Variants in MNAT1 observed in about 807,000 individuals in gnomAD.
MNAT1 encodes MNAT1 component of CDK activating kinase.
In MNAT1, 43 loss-of-function variants were observed where a neutral mutation model predicts 42.0. The observed-to-expected ratio is 1.02, with a 90% CI of 0.80 to 1.32. MNAT1 has a LOEUF of 1.32. Ranked by LOEUF, MNAT1 falls within the 40% of genes most tolerant of loss-of-function variation. The pLI is 0.00. For synonymous variants in MNAT1, 118 were observed against 120.0 expected, an observed-to-expected ratio of 0.98 and a Z score of 0.11; for missense variants, 306 against 350.4, an observed-to-expected ratio of 0.87 and a Z score of 1.01.
At chr14:60,903,386 G>C (rs918465557) in intron 7 of MNAT1, among the ~76,000 whole-genome samples, 4 of 152,094 alleles carry the variant, frequency 2.6e-5, no homozygotes, top group Non-Finnish European at 4.4e-5. Flanking sequence ...AAAACTTCAA[G>C]TTCAGGAAAT....
At chr14:60,853,640 G>T (rs978553956) in intron 6 of MNAT1, among the ~76,000 whole-genome samples, 8 of 152,156 alleles carry the variant, frequency 5.3e-5, no homozygotes, top group Non-Finnish European at 7.4e-5. Flanking sequence ...CAAAGGGAAT[G>T]CTTCCAGCTT....
chr14:60,820,874 A>G (rs1183623025), intron 6 of MNAT1, among the ~76,000 whole-genome samples: 1 of 152,222 alleles, frequency 6.6e-6, no homozygotes, highest in Non-Finnish European at 1.5e-5. Flanking sequence ...AATAAAATTC[A>G]GAATATTATC....
chr14:60,889,734 T>A (rs939921200), intron 7 of MNAT1, among the ~76,000 whole-genome samples: 3 of 152,002 alleles, frequency 2.0e-5, no homozygotes, highest in East Asian at 1.9e-4. Flanking sequence ...GAATCTACAA[T>A]GAACTCAAAC....
At position 60,866,068 on chromosome 14, in the gene MNAT1, T is replaced by G. The variant is rs145135215; in HGVS notation, c.688-13646T>G. Among the ~76,000 whole-genome samples, 42 of 152,242 alleles carry G rather than the reference T, an allele frequency of 2.8e-4. 2 individuals carry two copies. In the East Asian group the frequency reaches 8.1e-3, roughly 29 times the overall value. On this transcript the variant is annotated intron_variant, in intron 6 of 7. Coordinates refer to ENST00000261245, the MANE Select transcript of MNAT1 (RefSeq NM_002431.4). ...ATATCGTACATGCATTTAATTTGCT[T>G]GAATTCAACTAAAGTTGAAAACAAC...
At chr14:60,901,513 C>T (rs1276974098) in intron 7 of MNAT1, among the ~76,000 whole-genome samples, 2 of 152,190 alleles carry the variant, frequency 1.3e-5, no homozygotes, top group Non-Finnish European at 2.9e-5. Flanking sequence ...AGTGATTCCT[C>T]TGATGGATCT....
At chr14:60,881,299 C>G (rs2034546606) in intron 7 of MNAT1, among the ~76,000 whole-genome samples, 1 of 152,090 alleles carries the variant, frequency 6.6e-6, no homozygotes, top group Non-Finnish European at 1.5e-5. Flanking sequence ...ATTCTCATGC[C>G]TCAGCCTCCC....
chr14:60,936,877 T>G (rs1244195074), intron 7 of MNAT1, among the ~76,000 whole-genome samples: 1 of 152,160 alleles, frequency 6.6e-6, no homozygotes, highest in African/African-American at 2.4e-5. Flanking sequence ...CCACATCCTC[T>G]CCAGCACCTG....
intron 5 of MNAT1, among the ~76,000 whole-genome samples, chr14:60,816,760 A>G (rs931349130): frequency 1.3e-5 from 2 of 152,076 alleles, no homozygotes; most frequent in African/African-American, 2.4e-5. Context: ...TGGAACTCCT[A>G]CTTAATTCTA....
Position 60,937,947 on chromosome 14 carries a change from T to C in MNAT1, c.810-30282T>C, listed in dbSNP as rs1594891906. On this transcript the variant is annotated intron_variant, in intron 7 of 7. Transcript: ENST00000261245. The stretch of plus-strand genomic sequence containing the variant: ...GTTCTCCTTGAAGAGGTCCTTCACA[T>C]CCCTTGTAGGTTGGATTCCTAGGTA... Among the ~76,000 whole-genome samples, 9 of 152,340 alleles carry C rather than the reference T, an allele frequency of 5.9e-5. No individual in the cohort carries two copies. In the South Asian group the frequency reaches 1.9e-3, roughly 32 times the overall value.
At chr14:60,916,676 G>T (rs1352260857) in intron 7 of MNAT1, among the ~76,000 whole-genome samples, 4 of 152,110 alleles carry the variant, frequency 2.6e-5, no homozygotes, top group Admixed American at 1.3e-4. Flanking sequence ...AAAAGGCCAG[G>T]TGCAGTGGCT....
intron 7 of MNAT1, among the ~76,000 whole-genome samples, chr14:60,966,196 C>T (rs1238090343): frequency 2.0e-5 from 3 of 151,008 alleles, no homozygotes; most frequent in East Asian, 3.9e-4. Flanking sequence ...GTGCGATCTC[C>T]GCTCACTGCA....
At chr14:60,835,465 CT>C (rs1199988367) in intron 6 of MNAT1, among the ~76,000 whole-genome samples, 1 of 152,116 alleles carries the variant, frequency 6.6e-6, no homozygotes, top group Non-Finnish European at 1.5e-5. Context: ...GCATTTGCTT[CT>C]CTGTAAAGGA....
chr14:60,779,923 C>T (rs981225774), intron 1 of MNAT1: 10 of 1,131,728 alleles, frequency 8.8e-6, no homozygotes, highest in Non-Finnish European at 1.3e-5. Context: ...TGGTTGCTGT[C>T]CGTGTAGTGA....
intron 7 of MNAT1, among the ~76,000 whole-genome samples, chr14:60,933,057 T>C (rs977480658): frequency 3.3e-5 from 5 of 152,076 alleles, no homozygotes; most frequent in Admixed American, 1.3e-4. Context: ...ATTCTGTGTC[T>C]TTGTTTCCTC....
chr14:60,866,427 T>G (rs1021638485), intron 6 of MNAT1, among the ~76,000 whole-genome samples: 2 of 151,954 alleles, frequency 1.3e-5, no homozygotes, highest in Non-Finnish European at 2.9e-5. Context: ...GGTAACACTT[T>G]GATCTTTCTC....
At chr14:60,909,816 T>C (rs2035306019) in intron 7 of MNAT1, among the ~76,000 whole-genome samples, 1 of 152,114 alleles carries the variant, frequency 6.6e-6, no homozygotes, top group South Asian at 2.1e-4. Context: ...GGCTCTTTTT[T>C]GGTTCCATAT....
chr14:60,885,436 G>C (rs2034644097), intron 7 of MNAT1, among the ~76,000 whole-genome samples: 1 of 151,722 alleles, frequency 6.6e-6, no homozygotes, highest in African/African-American at 2.4e-5. Context: ...TTATATTCAA[G>C]TTCACTCTTC....
chr14:60,848,693 A>G (rs1031279379), intron 6 of MNAT1, among the ~76,000 whole-genome samples: 2 of 152,108 alleles, frequency 1.3e-5, no homozygotes, highest in African/African-American at 2.4e-5. Context: ...CATATCCCCT[A>G]TAGATGTATT....
intron 1 of MNAT1, among the ~76,000 whole-genome samples, chr14:60,738,713 T>G (rs1566746014): frequency 6.6e-6 from 1 of 152,032 alleles, no homozygotes; most frequent in Non-Finnish European, 1.5e-5. Context: ...TTTTGTAGTT[T>G]TAGTAGAGAT....
Sources: gnomAD v4.1 joint callset for allele counts (sites outside exome capture counted in the v4.1 genomes callset) on GRCh38, gnomAD v4.1.1 for gene constraint, MANE v1.5 for transcripts, NCBI Gene and HGNC (gene_info 2026-07-23, HGNC 2026-07-21) for gene names.